The following CNGB1 variants were observed in gnomAD, a reference collection of about 807,000 sequenced individuals.
CNGB1 encodes cyclic nucleotide-gated channel beta-1.
Under a neutral mutation model 151.7 loss-of-function variants are expected in CNGB1, and 126 were observed. That is an observed-to-expected ratio of 0.83 (90% CI 0.72 to 0.96). The LOEUF is 0.96. Ranked by LOEUF, CNGB1 falls within the 40% of genes least tolerant of loss-of-function variation. The probability of loss-of-function intolerance (pLI) is 0.00; values close to 1 mark genes in which losing one functional copy is unlikely to be tolerated. For missense variants in CNGB1, 1,698 were observed against 1,627.0 expected (o/e 1.04, Z -0.75); for synonymous variants, 623 against 635.1 (o/e 0.98, Z 0.29).
In CNGB1 at chr16:57,916,016, T is replaced by A. The variant is rs145147139; in HGVS notation, c.2217+113A>T. The A allele has an allele frequency of 3.0e-4, 297 of 999,458 alleles. No individual in the cohort carries two copies. In the African/African-American group the frequency reaches 3.9e-3, roughly 13 times the overall value. 61.9% of individuals were successfully genotyped at this position (999,458 alleles called of 1,614,324 possible). Reference sequence around the variant, plus strand: ...GAGGACACTCCCACAGGGACCAGCATCCCTCCGTGTGGCAGAAACCACATC... The same window carrying A: ...GAGGACACTCCCACAGGGACCAGCAACCCTCCGTGTGGCAGAAACCACATC... On this transcript the variant is annotated intron_variant, in intron 22 of 32. Transcript: ENST00000251102.
chr16:57,917,181 T>A, intron 21 of CNGB1, 87 bp downstream of exon 21: 1 of 1,080,364 alleles, frequency 9.3e-7, no homozygotes, highest in South Asian at 1.3e-5. Context: ...TTTTGTCATC[T>A]ATGACAGCAT....
chr16:57,940,661 G>A (rs1399204943), intron 14 of CNGB1, among the ~76,000 whole-genome samples: 3 of 152,192 alleles, frequency 2.0e-5, no homozygotes, highest in Admixed American at 6.5e-5. Flanking sequence ...AACAACATGT[G>A]CGAGAAATGC....
intron 16 of CNGB1, among the ~76,000 whole-genome samples, chr16:57,936,566 G>A (rs1352295442): frequency 6.6e-6 from 1 of 152,166 alleles, no homozygotes; most frequent in Non-Finnish European, 1.5e-5. Flanking sequence ...GCCGAGGTGG[G>A]CAGATCATTT....
chr16:57,893,879 C>T (rs7198277), intron 31 of CNGB1, among the ~76,000 whole-genome samples: 2 of 152,224 alleles, frequency 1.3e-5, no homozygotes, highest in South Asian at 2.1e-4. Context: ...CAACTGAGAC[C>T]AGAAAAGTTA....
chr16:57,935,422 G>A (rs536511486), intron 16 of CNGB1, among the ~76,000 whole-genome samples: 2 of 152,266 alleles, frequency 1.3e-5, no homozygotes, highest in South Asian at 4.2e-4. Context: ...GCTCATGCCT[G>A]TACTCCCAGC....
intron 29 of CNGB1, among the ~76,000 whole-genome samples, chr16:57,898,488 G>A (rs550301219): frequency 6.6e-6 from 1 of 152,018 alleles, no homozygotes; most frequent in African/African-American, 2.4e-5. Context: ...AGCAATTCTT[G>A]TGCTTCAGCC....
At chr16:57,922,020 C>T (rs1306928009) in intron 18 of CNGB1, among the ~76,000 whole-genome samples, 3 of 152,166 alleles carry the variant, frequency 2.0e-5, no homozygotes, top group Non-Finnish European at 2.9e-5. Flanking sequence ...TTTCTGCCTT[C>T]GTTTCTGATA....
chr16:57,905,844 C>A (rs1960535529), intron 25 of CNGB1, among the ~76,000 whole-genome samples: 2 of 152,262 alleles, frequency 1.3e-5, no homozygotes, highest in Admixed American at 1.3e-4. Context: ...GATGCCAGCA[C>A]CTTGATCTTG....
At chr16:57,953,061 G>A (rs143808889) in intron 12 of CNGB1, among the ~76,000 whole-genome samples, 204 of 152,198 alleles carry the variant, frequency 1.3e-3, no homozygotes, top group African/African-American at 4.7e-3. Context: ...CAGCTTCTCC[G>A]TGGCCCTACC....
Position 57,888,892 on chromosome 16 carries a change from G to A in CNGB1, c.3243-818C>T, listed in dbSNP as rs563112302. Among the ~76,000 whole-genome samples, 52 of 152,120 alleles carry A rather than the reference G, an allele frequency of 3.4e-4. No individual in the cohort carries two copies. In the East Asian group the frequency reaches 4.3e-3, roughly 12 times the overall value. On this transcript the variant is annotated intron_variant, in intron 31 of 32. Coordinates refer to ENST00000251102, the MANE Select transcript of CNGB1 (RefSeq NM_001297.5). ...TCTGCTTCACTGTCACCTCCCCCTC[G>A]TCACCATCACAATTATCAGCATTTA...
intron 19 of CNGB1, 86 bp downstream of exon 19, chr16:57,920,301 G>A (rs1464477714): frequency 6.7e-7 from 1 of 1,499,072 alleles, no homozygotes; most frequent in Non-Finnish European, 9.2e-7. Context: ...ATTTCCTTGG[G>A]GCCACCCTTG....
intron 16 of CNGB1, among the ~76,000 whole-genome samples, chr16:57,932,247 G>A (rs1596990477): frequency 6.6e-6 from 1 of 152,296 alleles, no homozygotes; most frequent in East Asian, 1.9e-4. Flanking sequence ...GGACACAGGA[G>A]AGCCAGAGTC....
Position 57,884,002 on chromosome 16 carries a change from C to T in CNGB1, c.*162G>A. The T allele has an allele frequency of 1.0e-6, 1 of 967,260 alleles. No individual in the cohort carries two copies. Among genetic ancestry groups the T allele is most frequent in the Admixed American group, 2.1e-5 (1 of 47,206 alleles). The allele number at this position is 967,260 out of a possible 1,614,324, so 59.9% of individuals were successfully genotyped here. A position where few individuals can be genotyped will look rare whatever the true frequency, so the allele number is the denominator to read the frequency against. Reference sequence around the variant, plus strand: ...CCGCGAGGAGCTGAGTCGGGGCTGGCGTGCTGGCGGGACGGTCAGAGCTGC... The same window carrying T: ...CCGCGAGGAGCTGAGTCGGGGCTGGTGTGCTGGCGGGACGGTCAGAGCTGC... On this transcript the variant is annotated 3_prime_UTR_variant, in exon 33 of 33. Transcript: ENST00000251102.
intron 25 of CNGB1, among the ~76,000 whole-genome samples, chr16:57,910,673 CTTTTTT>C (rs56363726): frequency 2.7e-4 from 28 of 104,316 alleles, no homozygotes; most frequent in African/African-American, 9.1e-4. Flanking sequence ...CAAGCCCGGC[CTTTTTT>C]TTTTTTTTTT....
intron 16 of CNGB1, among the ~76,000 whole-genome samples, chr16:57,936,661 G>A (rs1451125132): frequency 6.6e-6 from 1 of 152,006 alleles, no homozygotes; most frequent in Non-Finnish European, 1.5e-5. Context: ...GCGTGATGGC[G>A]TATGCCTGTA....
Position 57,920,467 on chromosome 16 carries a change from A to G in CNGB1, c.1721T>C (p.Leu574Pro), listed in dbSNP as rs762365839. 6.2e-7 allele frequency: 1 copy of G among 1,614,094 alleles called. No homozygotes were observed. Among genetic ancestry groups the G allele is most frequent in the Non-Finnish European group, 8.5e-7 (1 of 1,180,018 alleles). ...CACTTTCTCTGTCCGCTCCTTGAAG[A>G]GCTTCACCAGCTCCTGGAGCCGGTC... is the stretch of plus-strand genomic sequence containing the variant. ...INDRLQELVK[L>P]FKERTEKVKE... Residue 574 changes from leucine to proline, a missense_variant, in exon 19 of 33, where the codon CTC becomes CCC. By Grantham distance (98) the Leu-to-Pro change is moderately conservative. Coordinates refer to ENST00000251102, the MANE Select transcript of CNGB1 (RefSeq NM_001297.5).
At chr16:57,911,559 G>A (rs977231331) in intron 25 of CNGB1, among the ~76,000 whole-genome samples, 194 bp downstream of exon 25, 15 of 152,230 alleles carry the variant, frequency 9.9e-5, no homozygotes, top group Non-Finnish European at 2.9e-5. Context: ...AAAGTGCTGG[G>A]GTTAAAGGTG....
intron 27 of CNGB1, among the ~76,000 whole-genome samples, chr16:57,903,264 G>T (rs1239567209): frequency 6.6e-6 from 1 of 150,710 alleles, no homozygotes; most frequent in Non-Finnish European, 1.5e-5. Context: ...GCCCGAGGCT[G>T]GCTAATCACC....
intron 26 of CNGB1, among the ~76,000 whole-genome samples, chr16:57,904,281 A>G (rs1274194053): frequency 1.3e-5 from 2 of 152,058 alleles, no homozygotes; most frequent in Non-Finnish European, 2.9e-5. Context: ...CTGGTACAAT[A>G]CAGTTCCTCG....
Sources: allele counts gnomAD v4.1 joint callset (sites outside exome capture counted in the v4.1 genomes callset), GRCh38; gene constraint gnomAD v4.1.1; transcripts MANE v1.5; gene names NCBI Gene and HGNC (gene_info 2026-07-23, HGNC 2026-07-21).